Variants in AHCYL2 observed in about 807,000 individuals in gnomAD.
AHCYL2 encodes the protein adenosylhomocysteinase like 2, also known as S-adenosylhomocysteine hydrolase-like protein 2.
A neutral mutation model predicts 81.4 loss-of-function variants in AHCYL2; 28 were observed. The ratio of observed to expected loss-of-function variants is 0.34; its 90% CI spans 0.25 to 0.47. AHCYL2 has a LOEUF of 0.47. Ranked by LOEUF, AHCYL2 falls within the 20% of genes least tolerant of loss-of-function variation. The pLI is 1.00. For synonymous variants in AHCYL2, 272 were observed against 290.2 expected (o/e 0.94, Z 0.64); for missense variants, 551 against 785.1 (o/e 0.70, Z 3.56).
chr7:129,300,188 A>G (rs1456397890), intron 1 of AHCYL2, among the ~76,000 whole-genome samples: 1 of 152,122 alleles, frequency 6.6e-6, no homozygotes, highest in Non-Finnish European at 1.5e-5. Context: ...CAATTAAATT[A>G]TTATTGACTA....
intron 10 of AHCYL2, among the ~76,000 whole-genome samples, chr7:129,407,678 C>T (rs1375775295): frequency 6.6e-6 from 1 of 152,174 alleles, no homozygotes; most frequent in Non-Finnish European, 1.5e-5. Flanking sequence ...TGATCACTTA[C>T]TATGCATTAG....
intron 1 of AHCYL2, chr7:129,376,053 C>T (rs1559486): frequency 0.28 from 326,861 of 1,181,150 alleles, 47,473 homozygotes; most frequent in Middle Eastern, 0.37. Context: ...AGGTGAGCTA[C>T]CCCTCTTTTA....
At chr7:129,270,278 C>G (rs1311852547) in intron 1 of AHCYL2, among the ~76,000 whole-genome samples, 1 of 152,158 alleles carries the variant, frequency 6.6e-6, no homozygotes, top group Admixed American at 6.5e-5. Context: ...GCGTCCTCTT[C>G]TATTAGTCAC....
chr7:129,427,460 CTT>C lies in AHCYL2; in HGVS notation c.*416_*417del, dbSNP rs998893953. 103 of 159,346 alleles carry C rather than the reference CTT, an allele frequency of 6.5e-4. No individual in the cohort carries two copies. The highest frequency in any genetic ancestry group is 3.1e-3 in the Middle Eastern group (1 of 320). 9.9% of individuals were successfully genotyped at this position (159,346 alleles called of 1,614,324 possible). Reference sequence around the variant, plus strand: ...AGCACCTGCTTTTCTCAGCTTGGCCCTTCCCCGGGTGAGGCCGTTTGGAATTA... The same window carrying C: ...AGCACCTGCTTTTCTCAGCTTGGCCCCCCCGGGTGAGGCCGTTTGGAATTA... On this transcript the variant is annotated 3_prime_UTR_variant, in exon 17 of 17. Transcript: ENST00000325006. The surrounding 1 kb of genome is among the most constrained non-coding windows in gnomAD (Gnocchi z 5.5).
chr7:129,428,941 T>G lies in AHCYL2; in HGVS notation c.*1896T>G, dbSNP rs1474232751. The G allele has an allele frequency of 6.6e-6, 1 of 152,216 alleles. No homozygotes were observed. Among genetic ancestry groups the G allele is most frequent in the African/African-American group, 2.4e-5 (1 of 41,448 alleles). 9.4% of individuals were successfully genotyped at this position (152,216 alleles called of 1,614,324 possible). Reference sequence around the variant, plus strand: ...GCCTACCTAGTCCTGATTTTTGTATTAATTGGTTCCCTTTAGCAAGGGATT... The same window carrying G: ...GCCTACCTAGTCCTGATTTTTGTATGAATTGGTTCCCTTTAGCAAGGGATT... On this transcript the variant is annotated 3_prime_UTR_variant, in exon 17 of 17. Transcript: ENST00000325006.
rs915175029 is a variant in AHCYL2, at chr7:129,429,035, T to C, written c.*1990T>C. The C allele has an allele frequency of 5.9e-5, 9 of 152,248 alleles. No homozygotes were observed. The highest frequency in any genetic ancestry group is 2.2e-4 in the African/African-American group (9 of 41,464). The allele number at this position is 152,248 out of a possible 1,614,324, so 9.4% of individuals were successfully genotyped here. A position where few individuals can be genotyped will look rare whatever the true frequency, so the allele number is the denominator to read the frequency against. Reference sequence around the variant, plus strand: ...GGCAGATAGATGGTCTCTAGCCTATTGTATTCTTAGACCAAAAATCATAAC... The same window carrying C: ...GGCAGATAGATGGTCTCTAGCCTATCGTATTCTTAGACCAAAAATCATAAC... On this transcript the variant is annotated 3_prime_UTR_variant, in exon 17 of 17. Coordinates refer to ENST00000325006, the MANE Select transcript of AHCYL2 (RefSeq NM_015328.4).
chr7:129,386,886 A>T (rs1014914377), intron 2 of AHCYL2, among the ~76,000 whole-genome samples: 2 of 152,222 alleles, frequency 1.3e-5, no homozygotes, highest in Non-Finnish European at 2.9e-5. Flanking sequence ...ATGTATGTAT[A>T]TCATTCTTTT....
chr7:129,385,012 C>T, intron 2 of AHCYL2, among the ~76,000 whole-genome samples: 1 of 152,178 alleles, frequency 6.6e-6, no homozygotes, highest in Non-Finnish European at 1.5e-5. Context: ...CTTTTTTAAT[C>T]AGACCGTTCT....
chr7:129,239,800 A>G (rs1223253938), intron 1 of AHCYL2, among the ~76,000 whole-genome samples: 2 of 151,830 alleles, frequency 1.3e-5, no homozygotes, highest in African/African-American at 4.8e-5. Flanking sequence ...ACCCAGAGGG[A>G]GAGTTACACA....
At position 129,327,000 on chromosome 7, in the gene AHCYL2, A is replaced by G. The variant is rs184184638; in HGVS notation, c.364-52638A>G. ...TTTAGAGAGTGGCAAGAGTGGAAGC[A>G]GGATGACCAGCTAGAAGATACGATT... On this transcript the variant is annotated intron_variant, in intron 1 of 16. Coordinates refer to ENST00000325006, the MANE Select transcript of AHCYL2 (RefSeq NM_015328.4). Among the ~76,000 whole-genome samples, 10 of 152,334 alleles carry G rather than the reference A, an allele frequency of 6.6e-5. 1 individual carries two copies. In the East Asian group the frequency reaches 1.7e-3, roughly 26 times the overall value.
chr7:129,260,934 G>A (rs947752805), intron 1 of AHCYL2, among the ~76,000 whole-genome samples: 2 of 152,074 alleles, frequency 1.3e-5, no homozygotes, highest in South Asian at 2.1e-4. Context: ...GATTACAGGC[G>A]TACGCCACCA....
At position 129,349,137 on chromosome 7, in the gene AHCYL2, A is replaced by G. The variant is rs1437072525; in HGVS notation, c.364-30501A>G. Among the ~76,000 whole-genome samples, 3 of 152,194 alleles carry G rather than the reference A, an allele frequency of 2.0e-5. No individual in the cohort carries two copies. In the East Asian group the frequency reaches 5.8e-4, roughly 29 times the overall value. The stretch of plus-strand genomic sequence containing the variant: ...AGGTCTCAACTTCTTAACTGTAAAA[A>G]GAAGTGATTGATCTGGACAAATTCA... On this transcript the variant is annotated intron_variant, in intron 1 of 16. Coordinates refer to ENST00000325006, the MANE Select transcript of AHCYL2 (RefSeq NM_015328.4).
chr7:129,345,171 G>C (rs1029591916), intron 1 of AHCYL2, among the ~76,000 whole-genome samples: 2 of 152,168 alleles, frequency 1.3e-5, no homozygotes, highest in Non-Finnish European at 2.9e-5. Context: ...CCTTCAGTGG[G>C]AGAGGGTAAG....
intron 1 of AHCYL2, among the ~76,000 whole-genome samples, chr7:129,318,099 T>C (rs74438895): frequency 6.6e-6 from 1 of 152,244 alleles, no homozygotes; most frequent in Admixed American, 6.5e-5. Flanking sequence ...ACACAACTCA[T>C]TGATGATAAG....
At chr7:129,420,592 A>G (rs1429452953) in intron 12 of AHCYL2, among the ~76,000 whole-genome samples, 1 of 143,490 alleles carries the variant, frequency 7.0e-6, no homozygotes, top group Non-Finnish European at 1.5e-5. Context: ...CATTCCTCCC[A>G]CCTCAGCCTC....
At chr7:129,348,005 C>T (rs984161324) in intron 1 of AHCYL2, among the ~76,000 whole-genome samples, 3 of 152,272 alleles carry the variant, frequency 2.0e-5, no homozygotes, top group African/African-American at 4.8e-5. Context: ...GTTATACCCA[C>T]GTATACAAAA....
chr7:129,324,801 C>T (rs1331865244), intron 1 of AHCYL2, among the ~76,000 whole-genome samples: 1 of 152,254 alleles, frequency 6.6e-6, no homozygotes, highest in Non-Finnish European at 1.5e-5. Context: ...AGGCATGAGC[C>T]ACTGTGCCCG....
In AHCYL2 at chr7:129,365,338, G is replaced by C. The variant is rs1042571839; in HGVS notation, c.364-14300G>C. Among the ~76,000 whole-genome samples the C allele has an allele frequency of 2.0e-5, 3 of 152,200 alleles. No individual in the cohort carries two copies. In the South Asian group the frequency reaches 6.2e-4, roughly 32 times the overall value. On this transcript the variant is annotated intron_variant, in intron 1 of 16. Transcript: ENST00000325006. ...AAAATGACATGAGCAAAGGCATTGAGGTAGGAAAGAACACAGCATGATAAT... is the reference window on the plus strand; with the variant it reads ...AAAATGACATGAGCAAAGGCATTGACGTAGGAAAGAACACAGCATGATAAT...
At chr7:129,357,213 A>G (rs1793763590) in intron 1 of AHCYL2, among the ~76,000 whole-genome samples, 3 of 152,212 alleles carry the variant, frequency 2.0e-5, no homozygotes, top group Admixed American at 2.0e-4. Context: ...GAAAAGGGGT[A>G]TTAGTGGAAA....
Sources: allele counts gnomAD v4.1 joint callset (sites outside exome capture counted in the v4.1 genomes callset), GRCh38; gene constraint gnomAD v4.1.1; non-coding constraint Gnocchi (gnomAD v3.1); transcripts MANE v1.5; gene names NCBI Gene and HGNC (gene_info 2026-07-23, HGNC 2026-07-21).